MYH2: variants seen among roughly 807,000 people sequenced by gnomAD.
MYH2 encodes myosin-2.
MYH2 carries 139 observed loss-of-function variants against 228.1 expected under a neutral mutation model. That is an observed-to-expected ratio of 0.61 (90% CI 0.53 to 0.70). The LOEUF (loss-of-function observed/expected upper bound fraction) is 0.70. Among genes scored for constraint, MYH2 ranks in the 30% least tolerant of loss-of-function variants. The probability of loss-of-function intolerance (pLI) is 0.00; values close to 1 mark genes in which losing one functional copy is unlikely to be tolerated. For synonymous variants in MYH2, 796 were observed against 871.1 expected, an observed-to-expected ratio of 0.91 and a Z score of 1.52; for missense variants, 1,809 against 2,357.5, an observed-to-expected ratio of 0.77 and a Z score of 4.82.
At position 10,529,496 on chromosome 17, in the gene MYH2, T is replaced by C. The variant is rs2073398144; in HGVS notation, c.3118-15A>G. 2 of 1,614,086 alleles carry C rather than the reference T, an allele frequency of 1.2e-6. No homozygotes were observed. The highest frequency in any genetic ancestry group is 1.7e-6 in the Non-Finnish European group (2 of 1,180,040). ...GACCCTTCAAGCTAAATATAAATTA[T>C]GTTGAATCAGAAGGAATGCTTATCT... On this transcript the variant is annotated splice_polypyrimidine_tract_variant and intron_variant, in intron 24 of 39. Transcript: ENST00000245503.
Position 10,547,799 on chromosome 17 carries a change from G to T in MYH2, c.122C>A (p.Ala41Glu), listed in dbSNP as rs765877777. 6.2e-7 allele frequency: 1 copy of T among 1,614,094 alleles called. No individual in the cohort carries two copies. ...TTTGACAAAGGATTCTTTGGGCTCC[G>T]CCACAAAGACAGATGTTTTGGCATC... The part of the protein sequence containing the change: ...PFDAKTSVFV[A>E]EPKESFVKGT... Residue 41 changes from alanine (A) to glutamate (E), a missense_variant, in exon 3 of 40, where the codon GCG (alanine) becomes GAG (glutamate). Ala to Glu is a moderately radical substitution (Grantham distance 107, BLOSUM62 -1). Transcript: ENST00000245503.
At chr17:10,531,571 A>G (rs1264460979) in intron 22 of MYH2, 62 bp downstream of exon 22, 32 of 1,610,528 alleles carry the variant, frequency 2.0e-5, no homozygotes, top group Admixed American at 6.7e-5. Flanking sequence ...ATGGCCCACA[A>G]TGGCCAAAGT....
Position 10,537,083 on chromosome 17 carries a change from G to T in MYH2, c.1897+150C>A. On this transcript the variant is annotated intron_variant, in intron 16 of 39. Transcript: ENST00000245503. This position sits in a 1 kb window ranked among gnomAD's most constrained non-coding sequence, Gnocchi z 4.0. ...GTCAGCAGTGGAGTGAGCCACAAAT[G>T]TATAATTACAAGGCTGCCTATCTAT... The T allele has an allele frequency of 1.9e-6, 2 of 1,066,852 alleles. No homozygotes were observed. The highest frequency in any genetic ancestry group is 2.8e-6 in the Non-Finnish European group (2 of 704,326). The allele number at this position is 1,066,852 out of a possible 1,614,324, so 66.1% of individuals were successfully genotyped here. A position where few individuals can be genotyped will look rare whatever the true frequency, so the allele number is the denominator to read the frequency against.
At chr17:10,541,837 T>C (rs2073559492) in intron 10 of MYH2, among the ~76,000 whole-genome samples, 1 of 152,198 alleles carries the variant, frequency 6.6e-6, no homozygotes, top group African/African-American at 2.4e-5. Context: ...TGAAATAACA[T>C]TGAATTATTG....
chr17:10,535,471 TG>T (rs2073472827), intron 17 of MYH2, 106 bp from the exon 18 acceptor site: 6 of 922,730 alleles, frequency 6.5e-6, no homozygotes, highest in Admixed American at 3.9e-5. Flanking sequence ...ATGACCAGTA[TG>T]GACTGCATTC....
chr17:10,529,864 C>A lies in MYH2; in HGVS notation c.2908G>T (p.Val970Phe). ...TCTGTGGCATGTTTCTCCTTCTCAA[C>A]CTTGGCCAGTGTCAGCTCAAGGTCA... ...IDDLELTLAK[V>F]EKEKHATENK... Residue 970 changes from valine to phenylalanine, a missense_variant, in exon 23 of 40, where the codon GTT becomes TTT. By Grantham distance (50) the Val-to-Phe change is conservative (BLOSUM62 -1). Transcript: ENST00000245503. The A allele has an allele frequency of 6.2e-7, 1 of 1,613,810 alleles. No homozygotes were observed. Among genetic ancestry groups the A allele is most frequent in the Non-Finnish European group, 8.5e-7 (1 of 1,179,866 alleles).
intron 4 of MYH2, among the ~76,000 whole-genome samples, chr17:10,546,729 A>G (rs1407180362): frequency 6.6e-6 from 1 of 151,518 alleles, no homozygotes; most frequent in Non-Finnish European, 1.5e-5. Context: ...GAACACACAG[A>G]TACAAATTGC....
In MYH2 at chr17:10,525,329, C is replaced by T. The variant is rs755267670; in HGVS notation, c.4557G>A (p.Thr1519=). 6.1e-5 allele frequency: 98 copies of T among 1,613,950 alleles called. No homozygotes were observed. In the Admixed American group the frequency reaches 1.2e-3, roughly 19 times the overall value. The part of the protein sequence containing the change: ...KNLQQEISDL[T]EQIAEGGKRI... ...GTTTCCCTCCTTCTGCAATCTGTTC[C>T]GTGAGGTCAGAAATCTCCTCTGTTG... Residue 1519 remains threonine, a synonymous_variant, in exon 33 of 40, where the codon ACG becomes ACA. Transcript: ENST00000245503. The surrounding 1 kb of genome is among the most constrained non-coding windows in gnomAD (Gnocchi z 4.2).
chr17:10,528,676 A>G lies in MYH2; in HGVS notation c.3744+14T>C, dbSNP rs1408705393. The stretch of plus-strand genomic sequence containing the variant: ...GCATTATTTTCAATAACAATTTCCC[A>G]GAATTTGTAGTACCTTGGCTTTGGA... On this transcript the variant is annotated intron_variant, in intron 27 of 39. Coordinates refer to ENST00000245503, the MANE Select transcript of MYH2 (RefSeq NM_017534.6). 3 of 1,613,886 alleles carry G rather than the reference A, an allele frequency of 1.9e-6. No individual in the cohort carries two copies. In the African/African-American group the frequency reaches 4.0e-5, roughly 22 times the overall value.
rs1482782697 is a variant in MYH2 at position 10,529,140 on chromosome 17, C to G, written c.3354+22G>C. On this transcript the variant is annotated intron_variant, in intron 26 of 39. Transcript: ENST00000245503. The stretch of plus-strand genomic sequence containing the variant: ...GTGTCATAACTGCCTCCGAGCCAGA[C>G]TGATGAAAATCATGTACTTACTTGC... 1.9e-6 allele frequency: 3 copies of G among 1,614,116 alleles called. No homozygotes were observed. In the East Asian group the frequency reaches 6.7e-5, roughly 36 times the overall value.
chr17:10,537,294 G>C lies in MYH2; in HGVS notation c.1836C>G (p.Tyr612Ter). 1.2e-6 allele frequency: 2 copies of C among 1,614,182 alleles called. No homozygotes were observed. The highest frequency in any genetic ancestry group is 1.7e-6 in the Non-Finnish European group (2 of 1,180,036). ...CTAGAGTTTTCATTGCAGACTTCTGGTACAGTCCAACCACGGTCTCATTCA... is the reference window on the plus strand; with the variant it reads ...CTAGAGTTTTCATTGCAGACTTCTGCTACAGTCCAACCACGGTCTCATTCA... The part of the protein sequence containing the change: ...DPLNETVVGL[Y>*]QKSAMKTLAQ... Residue 612 changes from tyrosine to a stop codon, truncating the protein, a stop_gained, in exon 16 of 40, where the codon TAC becomes TAG. Transcript: ENST00000245503. LOFTEE classifies it high-confidence loss of function. This position sits in a 1 kb window ranked among gnomAD's most constrained non-coding sequence, Gnocchi z 4.0.
intron 39 of MYH2, among the ~76,000 whole-genome samples, chr17:10,521,663 T>C (rs1466781173): frequency 9.2e-5 from 14 of 151,510 alleles, no homozygotes; most frequent in Admixed American, 9.2e-4. Flanking sequence ...ACACATAAAA[T>C]ATATGTACCA....
At chr17:10,547,201 A>C (rs2142324569) in intron 4 of MYH2, among the ~76,000 whole-genome samples, 1 of 152,314 alleles carries the variant, frequency 6.6e-6, no homozygotes, top group East Asian at 1.9e-4. Flanking sequence ...TGTGATTGAA[A>C]TATAAGTAGT....
At chr17:10,548,827 T>C (rs2073666723) in intron 2 of MYH2, among the ~76,000 whole-genome samples, 1 of 152,220 alleles carries the variant, frequency 6.6e-6, no homozygotes, top group African/African-American at 2.4e-5. Context: ...AGTCATTACA[T>C]GATCAAATTA....
chr17:10,537,876 G>C lies in MYH2; in HGVS notation c.1417-41C>G. The stretch of plus-strand genomic sequence containing the variant: ...TGTTTACTTCTCTCTTAAGCAAATT[G>C]AGTATTTTTTAAAATACAGAACTTT... On this transcript the variant is annotated intron_variant, in intron 14 of 39. Transcript: ENST00000245503. The surrounding 1 kb of genome is among the most constrained non-coding windows in gnomAD (Gnocchi z 4.0). The C allele has an allele frequency of 6.2e-7, 1 of 1,613,974 alleles. No individual in the cohort carries two copies.
intron 14 of MYH2, among the ~76,000 whole-genome samples, chr17:10,538,405 G>A (rs2073508169): frequency 6.6e-6 from 1 of 152,054 alleles, no homozygotes; most frequent in Non-Finnish European, 1.5e-5. Context: ...ACTTTGGGAG[G>A]CTGAGGTGGG....
rs529367667 is a variant in MYH2, at chr17:10,525,032, G to T, written c.4696C>A (p.Arg1566Ser). The change falls in exon 34 of 40, where the codon CGC becomes AGC. Residue 1566 changes from arginine to serine, a missense_variant. Arg to Ser is a moderately radical substitution (Grantham distance 110, BLOSUM62 -1). Around this residue, in one of 9 missense-constraint regions of MYH2, gnomAD observed 636 missense variants for 729.9 expected, o/e 0.87. Transcript: ENST00000245503. The surrounding 1 kb of genome is among the most constrained non-coding windows in gnomAD (Gnocchi z 4.2). ...ACTTGGTTCAACTCAAGCTGGATGC[G>T]CAGGATCTTTCCCTCTTCATGTTCA... Reference protein sequence around the residue: ...SLEHEEGKILRIQLELNQVKS... With the variant: ...SLEHEEGKILSIQLELNQVKS... 1 of 1,614,030 alleles carries T rather than the reference G, an allele frequency of 6.2e-7. No homozygotes were observed. The highest frequency in any genetic ancestry group is 1.3e-5 in the African/African-American group (1 of 74,992).
In MYH2 at chr17:10,547,460, G is replaced by A; in HGVS notation, c.348+15C>T. 1 of 1,613,968 alleles carries A rather than the reference G, an allele frequency of 6.2e-7. No individual in the cohort carries two copies. The highest frequency in any genetic ancestry group is 1.1e-5 in the South Asian group (1 of 91,072). On this transcript the variant is annotated intron_variant, in intron 4 of 39. Transcript: ENST00000245503. The stretch of plus-strand genomic sequence containing the variant: ...ATGAGGATGATTATACAGAGCACTG[G>A]CAGGGGACACTCACGTAGATCATCC...
chr17:10,537,519 C>T lies in MYH2; in HGVS notation c.1611G>A (p.Leu537=). ...CCTTAGGGAACATGCACTCCTCTTCCAGGATGGAGAAGATGCCCATAGGCT... is the reference window on the plus strand; with the variant it reads ...CCTTAGGGAACATGCACTCCTCTTCTAGGATGGAGAAGATGCCCATAGGCT... ...IEKPMGIFSI[L]EEECMFPKAT... The change falls in exon 16 of 40, where the codon CTG becomes CTA. Residue 537 remains leucine (L), a synonymous_variant. Transcript: ENST00000245503. This position sits in a 1 kb window ranked among gnomAD's most constrained non-coding sequence, Gnocchi z 4.0. 1.2e-6 allele frequency: 2 copies of T among 1,614,146 alleles called. No individual in the cohort carries two copies. The highest frequency in any genetic ancestry group is 2.2e-5 in the South Asian group (2 of 91,080).
Sources: gnomAD v4.1 joint callset for allele counts (sites outside exome capture counted in the v4.1 genomes callset) on GRCh38, gnomAD v4.1.1 for gene constraint, gnomAD v4.1.1 regional missense constraint, Gnocchi (gnomAD v3.1) non-coding constraint, MANE v1.5 for transcripts, NCBI Gene and HGNC (gene_info 2026-07-23, HGNC 2026-07-21) for gene names.